Variants in RTN4 observed in about 807,000 individuals in gnomAD.
The protein encoded by RTN4 is reticulon 4.
RTN4 carries 32 observed loss-of-function variants against 90.4 expected under a neutral mutation model. The observed-to-expected ratio is 0.35, with a 90% CI of 0.27 to 0.48. RTN4 has a LOEUF of 0.48. RTN4 is among the 20% of genes least tolerant of loss of function. The pLI, the probability that RTN4 is intolerant of heterozygous loss-of-function variation, is 0.99. For synonymous variants in RTN4, 629 were observed against 552.5 expected (o/e 1.14, Z -1.94); for missense variants, 1,706 against 1,430.2 (o/e 1.19, Z -3.11).
upstream of RTN4, among the ~76,000 whole-genome samples, chr2:55,053,471 G>T (rs1668132398): frequency 6.6e-6 from 1 of 151,796 alleles, no homozygotes; most frequent in Non-Finnish European, 1.5e-5. Flanking sequence ...TAGATCTCTT[G>T]AGGTCAGGAG....
chr2:55,047,308 GACA>G (rs1667810896), intron 1 of RTN4, among the ~76,000 whole-genome samples: 1 of 145,330 alleles, frequency 6.9e-6, no homozygotes, highest in South Asian at 2.2e-4. Context: ...CCAGCCTGGT[GACA>G]AGGGGGAGAC....
intron 3 of RTN4, among the ~76,000 whole-genome samples, chr2:54,993,506 C>G (rs1348782871): frequency 6.6e-6 from 1 of 152,056 alleles, no homozygotes; most frequent in Non-Finnish European, 1.5e-5. Context: ...TGTATAAGGC[C>G]CAGCAGTACT....
Position 55,010,060 on chromosome 2 carries a change from G to A in RTN4, c.3013+15026C>T, listed in dbSNP as rs200680186. 9.9e-6 allele frequency: 16 copies of A among 1,610,472 alleles called. No individual in the cohort carries two copies. The South Asian group carries it at 1.5e-4, about 15-fold the overall frequency. On this transcript the variant is annotated intron_variant, in intron 3 of 8. Coordinates refer to ENST00000337526, the MANE Select transcript of RTN4 (RefSeq NM_020532.5). ...ATATTAGTGGTCACATATAAAAACT[G>A]AATAAGAAATTAAAAAGCAGATATA...
chr2:55,027,022 A>T lies in RTN4; in HGVS notation c.1077T>A (p.Val359=), dbSNP rs1681945048. The part of the protein sequence containing the change: ...ALTKLVKEDE[V]VSSEKAKDSF... Reference sequence around the variant, plus strand: ...TGTCTTTTGCTTTTTCTGAAGACACAACTTCATCCTCTTTAACCAATTTAG... The same window carrying T: ...TGTCTTTTGCTTTTTCTGAAGACACTACTTCATCCTCTTTAACCAATTTAG... Residue 359 remains valine, a synonymous_variant, in exon 3 of 9, where the codon GTT becomes GTA. Transcript: ENST00000337526. 1 of 1,613,416 alleles carries T rather than the reference A, an allele frequency of 6.2e-7. No individual in the cohort carries two copies. The highest frequency in any genetic ancestry group is 8.5e-7 in the Non-Finnish European group (1 of 1,179,864).
intron 1 of RTN4, among the ~76,000 whole-genome samples, chr2:55,086,927 C>T (rs1045230680): frequency 2.0e-5 from 3 of 151,830 alleles, no homozygotes; most frequent in East Asian, 3.9e-4. Context: ...CCCAAAGTGC[C>T]GGGATTACAG....
intron 5 of RTN4, among the ~76,000 whole-genome samples, chr2:54,976,634 T>C (rs577723346): frequency 2.0e-5 from 3 of 152,162 alleles, no homozygotes; most frequent in African/African-American, 7.2e-5. Context: ...AAAACAGAAA[T>C]AGTGGTTAAG....
In RTN4 at chr2:54,972,994, G is replaced by A; in HGVS notation, c.*162C>T. 1 of 546,610 alleles carries A rather than the reference G, an allele frequency of 1.8e-6. No homozygotes were observed. Among genetic ancestry groups the A allele is most frequent in the Non-Finnish European group, 3.3e-6 (1 of 303,590 alleles). The allele number at this position is 546,610 out of a possible 1,614,324, so 33.9% of individuals were successfully genotyped here. A position where few individuals can be genotyped will look rare whatever the true frequency, so the allele number is the denominator to read the frequency against. ...GATGAACACATGGCAGTCAAGACAG[G>A]TAATTTTTCCTCACAACAGTGCATG... On this transcript the variant is annotated 3_prime_UTR_variant, in exon 9 of 9. Coordinates refer to ENST00000337526, the MANE Select transcript of RTN4 (RefSeq NM_020532.5).
chr2:54,993,075 GAA>G (rs61127530), intron 3 of RTN4, among the ~76,000 whole-genome samples: 8 of 64,666 alleles, frequency 1.2e-4, no homozygotes, highest in African/African-American at 1.4e-4. Flanking sequence ...CTCCATCTCG[GAA>G]AAAAAAAAAA....
the RTN4 span, among the ~76,000 whole-genome samples, chr2:55,128,000 C>A: frequency 3.3e-5 from 5 of 151,860 alleles, no homozygotes; most frequent in African/African-American, 1.2e-4. Flanking sequence ...GCAGTCTCGA[C>A]CTCCTGGGCT....
At chr2:55,073,916 C>T (rs935296621) in intron 2 of RTN4, among the ~76,000 whole-genome samples, 1 of 152,236 alleles carries the variant, frequency 6.6e-6, no homozygotes, top group African/African-American at 2.4e-5. Context: ...ATACCACCCA[C>T]AGCACCACCC....
the RTN4 span, among the ~76,000 whole-genome samples, chr2:55,130,352 CT>C: frequency 3.9e-5 from 6 of 152,072 alleles, no homozygotes; most frequent in African/African-American, 1.4e-4. Flanking sequence ...AGAAATACAT[CT>C]GGAAAAATAC....
intron 1 of RTN4, among the ~76,000 whole-genome samples, chr2:55,091,637 G>A (rs115715454): frequency 6.6e-6 from 1 of 152,136 alleles, no homozygotes; most frequent in South Asian, 2.1e-4. Flanking sequence ...GGACCTGCCT[G>A]GGCAATATAG....
intron 1 of RTN4, among the ~76,000 whole-genome samples, chr2:55,034,789 A>G (rs1213887236): frequency 6.6e-6 from 1 of 152,204 alleles, no homozygotes; most frequent in African/African-American, 2.4e-5. Context: ...TTTCTGAAGC[A>G]CAAATTATCA....
intron 3 of RTN4, among the ~76,000 whole-genome samples, chr2:54,994,171 G>T (rs1679238233): frequency 6.6e-6 from 1 of 152,128 alleles, no homozygotes; most frequent in African/African-American, 2.4e-5. Flanking sequence ...GAAAAATACT[G>T]TTGCTTCTAA....
At chr2:55,118,834 T>G in the RTN4 span, among the ~76,000 whole-genome samples, 6 of 152,352 alleles carry the variant, frequency 3.9e-5, no homozygotes, top group South Asian at 1.0e-3. Flanking sequence ...CTATCAGGCT[T>G]CAACCATCAG....
chr2:55,113,499 T>C (rs185409846), upstream of RTN4, among the ~76,000 whole-genome samples: 1 of 152,268 alleles, frequency 6.6e-6, no homozygotes, highest in Admixed American at 6.5e-5. Context: ...CTGAAGTGGG[T>C]AAAAGAGACA....
intron 3 of RTN4, among the ~76,000 whole-genome samples, chr2:54,997,127 A>G (rs1163981321): frequency 2.0e-5 from 3 of 152,216 alleles, no homozygotes; most frequent in Non-Finnish European, 2.9e-5. Flanking sequence ...TTCTCTGATA[A>G]GAGACTTGTA....
intron 3 of RTN4, among the ~76,000 whole-genome samples, chr2:54,989,279 C>G (rs928831306): frequency 6.6e-6 from 1 of 152,152 alleles, no homozygotes; most frequent in African/African-American, 2.4e-5. Context: ...CCTAAATGGT[C>G]TGGCTTGAAT....
intron 3 of RTN4, among the ~76,000 whole-genome samples, chr2:55,013,615 G>C (rs1395311004): frequency 8.1e-6 from 1 of 124,010 alleles, no homozygotes; most frequent in African/African-American, 2.9e-5. Context: ...TTTTGGGGGG[G>C]GGGGAGGGTG....
Sources: allele counts gnomAD v4.1 joint callset (sites outside exome capture counted in the v4.1 genomes callset), GRCh38; gene constraint gnomAD v4.1.1; transcripts MANE v1.5; gene names NCBI Gene and HGNC (gene_info 2026-07-23, HGNC 2026-07-21).